OTULINL: variants seen among roughly 807,000 people sequenced by gnomAD.
OTULINL encodes inactive ubiquitin thioesterase OTULINL.
A neutral mutation model predicts 43.9 loss-of-function variants in OTULINL; 42 were observed. The ratio of observed to expected loss-of-function variants is 0.96; its 90% confidence interval spans 0.75 to 1.24. The LOEUF is 1.24. OTULINL is among the 50% of genes most tolerant of loss of function. OTULINL has a pLI of 0.00. For missense variants in OTULINL, 411 were observed against 426.4 expected (o/e 0.96, Z 0.32); for synonymous variants, 172 against 153.6 (o/e 1.12, Z -0.88).
At chr5:14,583,973 T>A (rs1759062819) in intron 1 of OTULINL, among the ~76,000 whole-genome samples, 1 of 152,182 alleles carries the variant, frequency 6.6e-6, no homozygotes, top group African/African-American at 2.4e-5. Context: ...GGACTAAGCA[T>A]CTCTGCATAA....
chr5:14,609,591 C>T (rs566769615), intron 7 of OTULINL, among the ~76,000 whole-genome samples: 13 of 147,902 alleles, frequency 8.8e-5, no homozygotes, highest in African/African-American at 3.0e-4. Context: ...TATTTTTTCA[C>T]TAATTTTTTT....
At chr5:14,603,932 C>A (rs985012411) in intron 5 of OTULINL, among the ~76,000 whole-genome samples, 11 of 152,078 alleles carry the variant, frequency 7.2e-5, no homozygotes, top group African/African-American at 2.7e-4. Flanking sequence ...TTCTTAATAT[C>A]TTTTATTTAA....
In OTULINL at chr5:14,610,481, T is replaced by C. The variant is rs1723321271; in HGVS notation, c.*167T>C. On this transcript the variant is annotated 3_prime_UTR_variant, in exon 8 of 8. Transcript: ENST00000274217. Reference sequence around the variant, plus strand: ...GCCATGCATGGATGGTTTTTCTTTATTTTTCAGTGATTTCCTCTGAAGCAG... The same window carrying C: ...GCCATGCATGGATGGTTTTTCTTTACTTTTCAGTGATTTCCTCTGAAGCAG... 1.5e-6 allele frequency: 1 copy of C among 678,250 alleles called. No homozygotes were observed. Among genetic ancestry groups the C allele is most frequent in the African/African-American group, 1.8e-5 (1 of 55,362 alleles). 42.0% of individuals were successfully genotyped at this position (678,250 alleles called of 1,614,324 possible). A position where few individuals can be genotyped will look rare whatever the true frequency, so the allele number is the denominator to read the frequency against.
intron 1 of OTULINL, among the ~76,000 whole-genome samples, chr5:14,587,625 C>G (rs748091526): frequency 6.6e-6 from 1 of 152,136 alleles, no homozygotes; most frequent in African/African-American, 2.4e-5. Flanking sequence ...CATATTGATT[C>G]CTTCCTAGGA....
chr5:14,591,935 A>C (rs530751119), intron 1 of OTULINL, among the ~76,000 whole-genome samples: 4 of 152,328 alleles, frequency 2.6e-5, no homozygotes, highest in African/African-American at 9.6e-5. Context: ...CTGACATGTG[A>C]AAATTAGATG....
At chr5:14,588,368 A>G (rs2126770600) in intron 1 of OTULINL, among the ~76,000 whole-genome samples, 1 of 152,220 alleles carries the variant, frequency 6.6e-6, no homozygotes. Context: ...CCGGACCCTG[A>G]GTTCCTGACT....
At chr5:14,607,738 A>G (rs1197451892) in intron 6 of OTULINL, among the ~76,000 whole-genome samples, 1 of 152,214 alleles carries the variant, frequency 6.6e-6, no homozygotes, top group Non-Finnish European at 1.5e-5. Context: ...TTGTTTCCCC[A>G]GAAAAATGTG....
chr5:14,599,723 C>T (rs1398953363), intron 1 of OTULINL, among the ~76,000 whole-genome samples: 2 of 152,194 alleles, frequency 1.3e-5, no homozygotes, highest in Non-Finnish European at 2.9e-5. Flanking sequence ...AGTCCTCTTT[C>T]TCATTTGTAC....
intron 1 of OTULINL, among the ~76,000 whole-genome samples, chr5:14,587,115 A>G (rs1759113326): frequency 6.6e-6 from 1 of 152,206 alleles, no homozygotes; most frequent in African/African-American, 2.4e-5. Context: ...TTAGTCTCCA[A>G]GTTTAAGAGA....
At chr5:14,588,496 G>C (rs1024717191) in intron 1 of OTULINL, among the ~76,000 whole-genome samples, 4 of 152,130 alleles carry the variant, frequency 2.6e-5, no homozygotes, top group African/African-American at 9.7e-5. Context: ...AAACACACTG[G>C]TGGTTCATTA....
intron 1 of OTULINL, among the ~76,000 whole-genome samples, chr5:14,597,475 T>A (rs1331480465): frequency 6.6e-6 from 1 of 152,236 alleles, no homozygotes; most frequent in East Asian, 1.9e-4. Context: ...TAGAGACTTC[T>A]TACTGCCTGC....
intron 1 of OTULINL, among the ~76,000 whole-genome samples, chr5:14,594,193 C>T (rs926464951): frequency 2.0e-5 from 3 of 152,190 alleles, no homozygotes; most frequent in East Asian, 3.9e-4. Context: ...TTTAAACTTA[C>T]TCTTTCACAC....
Position 14,607,414 on chromosome 5 carries a change from G to A in OTULINL, c.583G>A (p.Val195Met), listed in dbSNP as rs1299640537. 1.9e-6 allele frequency: 3 copies of A among 1,614,030 alleles called. No homozygotes were observed. Among genetic ancestry groups the A allele is most frequent in the Non-Finnish European group, 2.5e-6 (3 of 1,180,018 alleles). Residue 195 changes from valine (V) to methionine (M), a missense_variant, in exon 6 of 8, where the codon GTG becomes ATG. Physicochemically the swap from Val to Met is conservative, Grantham distance 21. Transcript: ENST00000274217. ...FGPEKYTGSNVFGKLRKYVEL... is the reference protein window; with the variant it reads ...FGPEKYTGSNMFGKLRKYVEL... ...TCCTGAGAAGTATACAGGCTCGAAT[G>A]TGTTTGGAAAACTACGGAAATATGT...
chr5:14,601,890 A>G (rs148927572), intron 4 of OTULINL, among the ~76,000 whole-genome samples: 82 of 152,366 alleles, frequency 5.4e-4, no homozygotes, highest in African/African-American at 1.6e-3. Flanking sequence ...GGGAGTACAT[A>G]TAAAGTACTT....
chr5:14,600,258 ATG>A lies in OTULINL; in HGVS notation c.65-703_65-702del, dbSNP rs369426491. ...CCTACCTGCTGCCATATGAAGAAGG[ATG>A]TGTTTGCTTCCCCTTCTGCCATGAT... On this transcript the variant is annotated intron_variant, in intron 1 of 7. Transcript: ENST00000274217. Among the ~76,000 whole-genome samples the A allele has an allele frequency of 7.9e-5, 12 of 152,184 alleles. No homozygotes were observed. In the East Asian group the frequency reaches 1.5e-3, roughly 20 times the overall value.
At chr5:14,588,360 G>A (rs1247533274) in intron 1 of OTULINL, among the ~76,000 whole-genome samples, 1 of 152,004 alleles carries the variant, frequency 6.6e-6, no homozygotes, top group African/African-American at 2.4e-5. Flanking sequence ...GTCTAGGACC[G>A]GACCCTGAGT....
intron 5 of OTULINL, among the ~76,000 whole-genome samples, chr5:14,604,905 C>T (rs1479427230): frequency 6.6e-6 from 1 of 152,234 alleles, no homozygotes; most frequent in Non-Finnish European, 1.5e-5. Context: ...GTGCCTGTGG[C>T]TTTCCCAGGT....
chr5:14,603,330 G>A (rs571142866), intron 5 of OTULINL, among the ~76,000 whole-genome samples: 174 of 152,338 alleles, frequency 1.1e-3, no homozygotes, highest in Non-Finnish European at 2.2e-3. Context: ...TCATATTGAG[G>A]GGATAAGTAG....
Position 14,594,875 on chromosome 5 carries a change from C to T in OTULINL, c.65-6090C>T, listed in dbSNP as rs1011035608. 9.2e-5 allele frequency among the ~76,000 whole-genome samples: 14 copies of T among 152,020 alleles called. 1 individual carries two copies. The highest frequency in any genetic ancestry group is 5.9e-4 in the Admixed American group (9 of 15,278). On this transcript the variant is annotated intron_variant, in intron 1 of 7. Transcript: ENST00000274217. ...CACCCACCCCCATCTTCCTACCTCT[C>T]TTGCCACAGAGTGTCCTTTCTCACC...
Sources: allele counts gnomAD v4.1 joint callset (sites outside exome capture counted in the v4.1 genomes callset), GRCh38; gene constraint gnomAD v4.1.1; transcripts MANE v1.5; gene names NCBI Gene and HGNC (gene_info 2026-07-23, HGNC 2026-07-21).